PSMG2: variants seen among roughly 807,000 people sequenced by gnomAD.
PSMG2 encodes the protein proteasome assembly chaperone 2.
PSMG2 carries 21 observed loss-of-function variants against 31.5 expected under a neutral mutation model. The observed-to-expected ratio is 0.67, with a 90% CI of 0.47 to 0.96. The LOEUF (loss-of-function observed/expected upper bound fraction) is 0.96. PSMG2 is among the 40% of genes least tolerant of loss of function. The pLI, the probability that PSMG2 is intolerant of heterozygous loss-of-function variation, is 0.00. For synonymous variants in PSMG2, 120 were observed against 110.4 expected (o/e 1.09, Z -0.54); for missense variants, 318 against 321.2 (o/e 0.99, Z 0.08).
chr18:12,725,441 C>T lies in PSMG2; in HGVS notation c.705C>T (p.Ser235=), dbSNP rs141244204. Residue 235 remains serine, a splice_region_variant and synonymous_variant, in exon 7 of 7, where the codon AGC becomes AGT. Transcript: ENST00000317615. ...AATATTTTGTTCTTCAATTACAGAG[C>T]GATGACCCCACAGTATCTGCCTCAC... ...NEWLQILKPL[S]DDPTVSASRW... is the part of the protein sequence containing the mutation. The T allele has an allele frequency of 3.4e-5, 54 of 1,577,436 alleles. No individual in the cohort carries two copies. The highest frequency in any genetic ancestry group is 3.0e-4 in the African/African-American group (22 of 73,816).
At chr18:12,707,928 T>C (rs2040286038) in intron 2 of PSMG2, among the ~76,000 whole-genome samples, 1 of 152,168 alleles carries the variant, frequency 6.6e-6, no homozygotes, top group Admixed American at 6.6e-5. Context: ...GATGGCTTTG[T>C]CAACGCAAGA....
intron 1 of PSMG2, chr18:12,678,975 C>T (rs1473345251): frequency 2.0e-5 from 3 of 152,036 alleles, no homozygotes; most frequent in Admixed American, 6.6e-5. Flanking sequence ...AAGTTTGCCT[C>T]AGATAACATA....
At chr18:12,673,439 G>C (rs768282968) in intron 1 of PSMG2, 3 of 1,596,516 alleles carry the variant, frequency 1.9e-6, no homozygotes, top group East Asian at 4.6e-5. Flanking sequence ...GTAAATACTC[G>C]GACACGAACT....
chr18:12,708,776 G>A (rs1389538287), intron 2 of PSMG2, among the ~76,000 whole-genome samples: 1 of 146,116 alleles, frequency 6.8e-6, no homozygotes, highest in Non-Finnish European at 1.5e-5. Context: ...CACAATCTCG[G>A]CTCACTGCCA....
At chr18:12,708,701 T>C (rs1453437720) in intron 2 of PSMG2, among the ~76,000 whole-genome samples, 1 of 68,218 alleles carries the variant, frequency 1.5e-5, no homozygotes, top group African/African-American at 4.8e-5. Context: ...TACAACGTTC[T>C]TTTTTTTTTT....
chr18:12,675,288 T>C (rs1013209490), intron 1 of PSMG2, among the ~76,000 whole-genome samples: 2 of 151,900 alleles, frequency 1.3e-5, no homozygotes, highest in East Asian at 1.9e-4. Flanking sequence ...CCCAGCTACT[T>C]GGGAGGCTGA....
At chr18:12,703,036 G>A, upstream of PSMG2, 2 of 1,547,082 alleles carry the variant, frequency 1.3e-6, no homozygotes, top group Non-Finnish European at 1.8e-6. Context: ...GGGGTCTCGG[G>A]CTTCCGCCTT....
intron 6 of PSMG2, among the ~76,000 whole-genome samples, chr18:12,725,119 T>C (rs2040464394): frequency 6.6e-6 from 1 of 152,226 alleles, no homozygotes; most frequent in Non-Finnish European, 1.5e-5. Context: ...ACTAGCTTTT[T>C]AATTCATGCT....
At chr18:12,702,316 AG>A, upstream of PSMG2, 1 of 563,718 alleles carries the variant, frequency 1.8e-6, no homozygotes, top group Non-Finnish European at 3.1e-6. Context: ...CTCGGAGACG[AG>A]GACGCTCTCC....
intron 2 of PSMG2, among the ~76,000 whole-genome samples, chr18:12,711,774 G>A: frequency 1.1e-5 from 1 of 87,254 alleles, no homozygotes; most frequent in South Asian, 3.1e-4. Flanking sequence ...TTTTTTTTGA[G>A]ATGGAGTCTT....
At chr18:12,662,327 T>G (rs1181613580) in intron 1 of PSMG2, among the ~76,000 whole-genome samples, 1 of 152,234 alleles carries the variant, frequency 6.6e-6, no homozygotes, top group African/African-American at 2.4e-5. Context: ...AAGGGTCAGA[T>G]ATTATTATTC....
At chr18:12,673,526 T>C (rs1455950950) in intron 1 of PSMG2, 1 of 1,535,316 alleles carries the variant, frequency 6.5e-7, no homozygotes, top group Non-Finnish European at 8.8e-7. Flanking sequence ...AAAAAAATTA[T>C]TCAATTAAGA....
intron 1 of PSMG2, chr18:12,684,745 A>G (rs2039479334): frequency 6.6e-6 from 1 of 151,964 alleles, no homozygotes; most frequent in Non-Finnish European, 1.5e-5. Context: ...GGCCTCCCAA[A>G]GTGCTGGGAT....
chr18:12,672,836 T>C, intron 1 of PSMG2: 3 of 985,102 alleles, frequency 3.0e-6, no homozygotes, highest in Non-Finnish European at 3.6e-6. Context: ...CATAAATTTC[T>C]GGACAGTCTC....
At chr18:12,677,458 CAAAAAAAAAA>C (rs71174127) in intron 1 of PSMG2, among the ~76,000 whole-genome samples, 12 of 53,948 alleles carry the variant, frequency 2.2e-4, no homozygotes, top group Admixed American at 1.3e-3. Context: ...GATTCCATCT[CAAAAAAAAAA>C]AAAAAAAAAA....
intron 1 of PSMG2, among the ~76,000 whole-genome samples, chr18:12,671,345 G>T (rs918186871): frequency 3.9e-5 from 6 of 151,976 alleles, no homozygotes; most frequent in Non-Finnish European, 8.8e-5. Flanking sequence ...TTAATAACTT[G>T]GATAGCCAAC....
chr18:12,720,055 T>C (rs1017233847), intron 4 of PSMG2, among the ~76,000 whole-genome samples: 4 of 149,604 alleles, frequency 2.7e-5, no homozygotes, highest in African/African-American at 4.9e-5. Context: ...TTTTATTTTT[T>C]ATTCTTTTGG....
rs557881800 is a variant in PSMG2, at chr18:12,724,241, A to G, written c.582-258A>G. On this transcript the variant is annotated intron_variant, in intron 5 of 6. Coordinates refer to ENST00000317615, the MANE Select transcript of PSMG2 (RefSeq NM_020232.5). ...AGAACATACCTTATCTGCTGTAGCC[A>G]AGGACAGAAAGGCTGGTTTTTCATG... is the stretch of plus-strand genomic sequence containing the variant. The G allele has an allele frequency of 8.2e-6, 3 of 364,240 alleles. No homozygotes were observed. In the South Asian group the frequency reaches 2.6e-4, roughly 31 times the overall value. 22.6% of individuals were successfully genotyped at this position (364,240 alleles called of 1,614,324 possible). A position where few individuals can be genotyped will look rare whatever the true frequency, so the allele number is the denominator to read the frequency against.
intron 1 of PSMG2, among the ~76,000 whole-genome samples, chr18:12,674,116 A>G (rs769083066): frequency 4.6e-5 from 7 of 152,028 alleles, no homozygotes; most frequent in Non-Finnish European, 1.0e-4. Flanking sequence ...AAAAGCTCCC[A>G]TATGACTTGG....
Sources: gnomAD v4.1 joint callset for allele counts (sites outside exome capture counted in the v4.1 genomes callset) on GRCh38, gnomAD v4.1.1 for gene constraint, MANE v1.5 for transcripts, NCBI Gene and HGNC (gene_info 2026-07-23, HGNC 2026-07-21) for gene names.